Variants in DPP6 observed in about 807,000 individuals in gnomAD.
DPP6 encodes the protein dipeptidyl peptidase like 6.
Under a neutral mutation model 122.6 loss-of-function variants are expected in DPP6, and 69 were observed. The ratio of observed to expected loss-of-function variants is 0.56; its 90% CI spans 0.46 to 0.69. DPP6 has a LOEUF of 0.69. Among genes scored for constraint, DPP6 ranks in the 30% least tolerant of loss-of-function variants. The pLI is 0.00. For synonymous variants in DPP6, 418 were observed against 433.1 expected (o/e 0.97, Z 0.43); for missense variants, 928 against 1,116.9 (o/e 0.83, Z 2.41).
chr7:154,317,814 C>G (rs1402606790), intron 1 of DPP6, among the ~76,000 whole-genome samples: 4 of 152,038 alleles, frequency 2.6e-5, no homozygotes, highest in Non-Finnish European at 5.9e-5. Context: ...AAGTAACAGA[C>G]AGTAATTGAG....
intron 7 of DPP6, among the ~76,000 whole-genome samples, chr7:154,719,042 C>T (rs1400065875): frequency 6.6e-6 from 1 of 152,188 alleles, no homozygotes; most frequent in East Asian, 1.9e-4. Flanking sequence ...TACCCCATTG[C>T]TCTTTCAAAA....
intron 1 of DPP6, among the ~76,000 whole-genome samples, chr7:154,170,662 C>T (rs2150727931): frequency 6.6e-6 from 1 of 152,318 alleles, no homozygotes; most frequent in South Asian, 2.1e-4. Flanking sequence ...GAAACCTCAC[C>T]ATTTCCACAA....
At chr7:154,555,890 A>G (rs1801423872) in intron 4 of DPP6, among the ~76,000 whole-genome samples, 1 of 152,066 alleles carries the variant, frequency 6.6e-6, no homozygotes, top group African/African-American at 2.4e-5. Flanking sequence ...AAAAAATTGT[A>G]TAATATTAAA....
chr7:153,762,032 G>A, the DPP6 span, among the ~76,000 whole-genome samples: 1 of 152,182 alleles, frequency 6.6e-6, no homozygotes, highest in Non-Finnish European at 1.5e-5. Flanking sequence ...TACTCTTCTA[G>A]TTACATGTCC....
chr7:154,769,598 A>C (rs1225816666), intron 9 of DPP6, 27 bp downstream of exon 9: 1 of 1,541,748 alleles, frequency 6.5e-7, no homozygotes, highest in Admixed American at 2.0e-5. Context: ...CGCACAGCAA[A>C]TTCTTTATAT....
At chr7:154,082,481 G>C (rs1804089134) in intron 1 of DPP6, among the ~76,000 whole-genome samples, 1 of 151,966 alleles carries the variant, frequency 6.6e-6, no homozygotes, top group Non-Finnish European at 1.5e-5. Context: ...ATTGCAGTGA[G>C]GAGTAGCAAG....
chr7:154,540,482 G>A (rs778762931), intron 3 of DPP6, 50 bp from the exon 4 acceptor site: 73 of 1,156,692 alleles, frequency 6.3e-5, no homozygotes, highest in Non-Finnish European at 9.0e-5. Context: ...AAAAGTTGAG[G>A]AGAGTTCCTT....
At position 154,288,577 on chromosome 7, in the gene DPP6, C is replaced by T. The variant is rs191085948; in HGVS notation, c.244-157637C>T. Reference sequence around the variant, plus strand: ...TTCTTAAGGCAGTGTTGAACAATGTCATCATGTGTAAAAGCATTTTTTAAA... The same window carrying T: ...TTCTTAAGGCAGTGTTGAACAATGTTATCATGTGTAAAAGCATTTTTTAAA... On this transcript the variant is annotated intron_variant, in intron 1 of 25. Coordinates refer to ENST00000377770, the MANE Select transcript of DPP6 (RefSeq NM_130797.4). Among the ~76,000 whole-genome samples the T allele has an allele frequency of 2.6e-4, 40 of 152,248 alleles. No individual in the cohort carries two copies. The East Asian group carries it at 5.8e-3, about 22-fold the overall frequency.
At chr7:154,859,893 A>G (rs1240856884) in intron 17 of DPP6, among the ~76,000 whole-genome samples, 1 of 152,226 alleles carries the variant, frequency 6.6e-6, no homozygotes, top group African/African-American at 2.4e-5. Flanking sequence ...GCAGCCCCAC[A>G]GCCATGCAGA....
intron 5 of DPP6, among the ~76,000 whole-genome samples, chr7:154,575,487 GGTGTGTGTT>G (rs1831575462): frequency 7.8e-6 from 1 of 127,956 alleles, no homozygotes; most frequent in African/African-American, 2.9e-5. Context: ...GTGTGTGTGT[GGTGTGTGTT>G]TGTGTGGTGT....
intron 1 of DPP6, among the ~76,000 whole-genome samples, chr7:153,955,880 C>T (rs1259779976): frequency 6.6e-6 from 1 of 152,186 alleles, no homozygotes. Flanking sequence ...CATGTGCACT[C>T]TCAGATATAG....
intron 16 of DPP6, among the ~76,000 whole-genome samples, chr7:154,822,359 C>T (rs913133545): frequency 6.6e-6 from 1 of 152,148 alleles, no homozygotes; most frequent in African/African-American, 2.4e-5. Flanking sequence ...CTCGCTGCGT[C>T]CTCACATGGT....
chr7:154,304,353 T>TG (rs1585876315), intron 1 of DPP6, among the ~76,000 whole-genome samples: 1 of 152,342 alleles, frequency 6.6e-6, no homozygotes, highest in East Asian at 1.9e-4. Context: ...GTTTGCCACC[T>TG]GCATTTCCGC....
chr7:154,637,770 G>C (rs896903107), intron 5 of DPP6, 51 bp from the exon 6 acceptor site: 9 of 1,520,774 alleles, frequency 5.9e-6, no homozygotes, highest in Non-Finnish European at 8.0e-6. Flanking sequence ...AAATATCATC[G>C]TAACAGCCTT....
intron 1 of DPP6, among the ~76,000 whole-genome samples, chr7:153,909,206 G>T (rs1165162744): frequency 6.6e-6 from 1 of 152,120 alleles, no homozygotes; most frequent in Non-Finnish European, 1.5e-5. Context: ...GGCATGCTGA[G>T]GTTCTACCTC....
intron 1 of DPP6, among the ~76,000 whole-genome samples, chr7:154,192,559 T>A (rs1798665384): frequency 1.3e-5 from 2 of 152,242 alleles, no homozygotes; most frequent in Admixed American, 6.5e-5. Context: ...ATTGCCAGAT[T>A]AAGACAGGGA....
the DPP6 span, among the ~76,000 whole-genome samples, chr7:153,772,011 C>G: frequency 6.6e-6 from 1 of 152,132 alleles, no homozygotes; most frequent in Non-Finnish European, 1.5e-5. Flanking sequence ...TAAAAGGTAT[C>G]TATGGTGTAG....
chr7:154,206,285 G>A (rs1047858897), intron 1 of DPP6, among the ~76,000 whole-genome samples: 7 of 152,112 alleles, frequency 4.6e-5, no homozygotes, highest in Admixed American at 2.0e-4. Flanking sequence ...CTTGTTCTCC[G>A]AACCTCTGTG....
chr7:154,712,482 T>C (rs1473142611), intron 7 of DPP6, among the ~76,000 whole-genome samples: 2 of 152,216 alleles, frequency 1.3e-5, no homozygotes, highest in Non-Finnish European at 2.9e-5. Flanking sequence ...TCCATTCTCA[T>C]GCTGCTATGA....
Sources: gnomAD v4.1 joint callset for allele counts (sites outside exome capture counted in the v4.1 genomes callset) on GRCh38, gnomAD v4.1.1 for gene constraint, MANE v1.5 for transcripts, NCBI Gene and HGNC (gene_info 2026-07-23, HGNC 2026-07-21) for gene names.